The following TEX36 variants were observed in gnomAD, a reference collection of about 807,000 sequenced individuals.
The protein encoded by TEX36 is testis-expressed protein 36.
A neutral mutation model predicts 13.6 loss-of-function variants in TEX36; 12 were observed. The observed-to-expected ratio is 0.88, with a 90% CI of 0.56 to 1.43. The LOEUF (loss-of-function observed/expected upper bound fraction) is 1.43. Among genes scored for constraint, TEX36 ranks in the 40% most tolerant of loss-of-function variants. The pLI, the probability that TEX36 is intolerant of heterozygous loss-of-function variation, is 0.00. For synonymous variants in TEX36, 93 were observed against 83.0 expected, an observed-to-expected ratio of 1.12 and a Z score of -0.65; for missense variants, 224 against 228.3, an observed-to-expected ratio of 0.98 and a Z score of 0.12.
rs1291034259 is a variant in TEX36 at position 125,656,035 on chromosome 10, G to T, written c.426C>A (p.Arg142=). 3 of 1,551,922 alleles carry T rather than the reference G, an allele frequency of 1.9e-6. No individual in the cohort carries two copies. The highest frequency in any genetic ancestry group is 2.4e-5 in the East Asian group (1 of 40,906). The change falls in exon 4 of 4, where the codon CGC becomes CGA. Residue 142 remains arginine, a synonymous_variant. Transcript: ENST00000368821. Reference sequence around the variant, plus strand: ...ATATCTCTTTATAGCATCGTGGAAAGCGTCTGAAGCTTGAGACCACCATGG... The same window carrying T: ...ATATCTCTTTATAGCATCGTGGAAATCGTCTGAAGCTTGAGACCACCATGG... ...KEAMVVSSFR[R]FPRCYKEIWN... is the part of the protein sequence containing the mutation.
At chr10:125,588,926 A>C (rs1845990442) in intron 3 of TEX36, among the ~76,000 whole-genome samples, 1 of 152,102 alleles carries the variant, frequency 6.6e-6, no homozygotes, top group Non-Finnish European at 1.5e-5. Flanking sequence ...ACCAAATCTC[A>C]GGTGAACTCA....
chr10:125,682,899 G>A (rs1207820750), intron 1 of TEX36, 40 bp downstream of exon 1: 18 of 1,550,434 alleles, frequency 1.2e-5, no homozygotes, highest in South Asian at 1.1e-4. Flanking sequence ...CCACACCCAC[G>A]TGGCATGAGA....
chr10:125,577,366 C>T (rs984633621), intron 3 of TEX36, among the ~76,000 whole-genome samples: 21 of 152,230 alleles, frequency 1.4e-4, no homozygotes, highest in Admixed American at 2.6e-4. Context: ...GGCATGTTGG[C>T]GCACGCCTGT....
chr10:125,619,574 G>A (rs1360893131), downstream of TEX36, among the ~76,000 whole-genome samples: 4 of 152,086 alleles, frequency 2.6e-5, no homozygotes, highest in South Asian at 4.2e-4. Context: ...TTTTTGAGAC[G>A]GAGTCTCGCT....
intron 3 of TEX36, among the ~76,000 whole-genome samples, chr10:125,607,813 C>T (rs540413816): frequency 4.6e-5 from 7 of 152,110 alleles, no homozygotes; most frequent in South Asian, 4.2e-4. Flanking sequence ...TGAGCTGAAC[C>T]GCCTCCATGC....
At chr10:125,637,732 C>T (rs1466046808) in intron 3 of TEX36, among the ~76,000 whole-genome samples, 2 of 152,258 alleles carry the variant, frequency 1.3e-5, no homozygotes, top group East Asian at 3.9e-4. Flanking sequence ...CTGTGGTGAG[C>T]TCCCCAGGAG....
intron 3 of TEX36, among the ~76,000 whole-genome samples, chr10:125,634,854 A>G (rs1484131779): frequency 6.6e-6 from 1 of 152,196 alleles, no homozygotes; most frequent in Non-Finnish European, 1.5e-5. Flanking sequence ...GAAACGATGG[A>G]TAGTGAGCCC....
chr10:125,594,068 C>G (rs937980572), intron 3 of TEX36, among the ~76,000 whole-genome samples: 6 of 152,158 alleles, frequency 3.9e-5, no homozygotes, highest in African/African-American at 2.4e-5. Context: ...CTGTCTGAGG[C>G]TAGAGTCACA....
At chr10:125,625,679 C>T (rs1846478269) in intron 3 of TEX36, among the ~76,000 whole-genome samples, 1 of 152,210 alleles carries the variant, frequency 6.6e-6, no homozygotes, top group Admixed American at 6.5e-5. Context: ...ATATGTCATA[C>T]GTGTTCAACT....
intron 3 of TEX36, among the ~76,000 whole-genome samples, chr10:125,627,308 A>G (rs1335825957): frequency 6.6e-6 from 1 of 152,222 alleles, no homozygotes; most frequent in Admixed American, 6.5e-5. Flanking sequence ...TAGATGTTAC[A>G]GAGATGAAAA....
At chr10:125,611,245 G>A (rs1846285968) in intron 3 of TEX36, among the ~76,000 whole-genome samples, 1 of 152,086 alleles carries the variant, frequency 6.6e-6, no homozygotes, top group African/African-American at 2.4e-5. Context: ...TAAATTCTTT[G>A]AGTGAAATTA....
At chr10:125,673,306 G>A (rs373055265) in intron 1 of TEX36, among the ~76,000 whole-genome samples, 1 of 152,140 alleles carries the variant, frequency 6.6e-6, no homozygotes, top group East Asian at 1.9e-4. Context: ...AGGTAGGCCT[G>A]GTGGTGGCAA....
At chr10:125,585,305 C>T (rs1242232054) in intron 3 of TEX36, among the ~76,000 whole-genome samples, 1 of 152,152 alleles carries the variant, frequency 6.6e-6, no homozygotes, top group East Asian at 1.9e-4. Flanking sequence ...CTGCCTCCCA[C>T]TTCCAGCAGG....
At chr10:125,654,886 C>G (rs1846915180), downstream of TEX36, among the ~76,000 whole-genome samples, 1 of 152,182 alleles carries the variant, frequency 6.6e-6, no homozygotes, top group African/African-American at 2.4e-5. Context: ...GCATTACTGT[C>G]AACCAAGCAC....
In TEX36 at chr10:125,655,854, A is replaced by G. The variant is rs867322803; in HGVS notation, c.*46T>C. 39 of 1,443,186 alleles carry G rather than the reference A, an allele frequency of 2.7e-5. No individual in the cohort carries two copies. The Middle Eastern group carries it at 9.3e-4, about 34-fold the overall frequency. 89.4% of individuals were successfully genotyped at this position (1,443,186 alleles called of 1,614,324 possible). On this transcript the variant is annotated 3_prime_UTR_variant, in exon 4 of 4. Coordinates refer to ENST00000368821, the MANE Select transcript of TEX36 (RefSeq NM_001128202.3). ...AAAACATATACTTTTAGGATGTCTG[A>G]TGAAATACCAGTATTACAAAATTCA...
At chr10:125,639,602 T>TG (rs994561925) in intron 3 of TEX36, among the ~76,000 whole-genome samples, 19 of 25,786 alleles carry the variant, frequency 7.4e-4, no homozygotes, top group Admixed American at 3.9e-3. Flanking sequence ...TGGGGCAATG[T>TG]GGGGGGGTGG....
chr10:125,600,424 A>G (rs567704109), intron 3 of TEX36, among the ~76,000 whole-genome samples: 79 of 152,194 alleles, frequency 5.2e-4, no homozygotes, highest in Middle Eastern at 6.8e-3. Context: ...TCCAACCTTT[A>G]CCACCATATC....
chr10:125,632,984 C>T (rs947349354), intron 3 of TEX36, among the ~76,000 whole-genome samples: 4 of 151,986 alleles, frequency 2.6e-5, no homozygotes, highest in African/African-American at 9.7e-5. Flanking sequence ...TTAGCTGGGC[C>T]GTAGTGTCAT....
At chr10:125,681,809 T>C (rs1413542176) in intron 1 of TEX36, among the ~76,000 whole-genome samples, 1 of 152,212 alleles carries the variant, frequency 6.6e-6, no homozygotes, top group African/African-American at 2.4e-5. Context: ...TACTGAGCAC[T>C]TGTTAATGAG....
Sources: gnomAD v4.1 joint callset for allele counts (sites outside exome capture counted in the v4.1 genomes callset) on GRCh38, gnomAD v4.1.1 for gene constraint, MANE v1.5 for transcripts, NCBI Gene and HGNC (gene_info 2026-07-23, HGNC 2026-07-21) for gene names.